Variants in SLC6A11 observed in about 807,000 individuals in gnomAD.
The protein encoded by SLC6A11 is sodium- and chloride-dependent GABA transporter 3.
In SLC6A11, 25 loss-of-function variants were observed where a neutral mutation model predicts 74.8. That is an observed-to-expected ratio of 0.33 (90% confidence interval 0.24 to 0.47). SLC6A11 has a LOEUF of 0.47. Among genes scored for constraint, SLC6A11 ranks in the 20% least tolerant of loss-of-function variants. The pLI, the probability that SLC6A11 is intolerant of heterozygous loss-of-function variation, is 1.00. For synonymous variants in SLC6A11, 330 were observed against 330.2 expected, an observed-to-expected ratio of 1.00 and a Z score of 0.01; for missense variants, 574 against 837.0, an observed-to-expected ratio of 0.69 and a Z score of 3.88.
In SLC6A11 at chr3:10,816,567, TG is replaced by T. The variant is rs1359620410; in HGVS notation, c.256+51del. The T allele has an allele frequency of 6.9e-7, 1 of 1,454,294 alleles. No homozygotes were observed. Among genetic ancestry groups the T allele is most frequent in the South Asian group, 1.3e-5 (1 of 76,766 alleles). 90.1% of individuals were successfully genotyped at this position (1,454,294 alleles called of 1,614,324 possible). On this transcript the variant is annotated intron_variant, in intron 1 of 13. Coordinates refer to ENST00000254488, the MANE Select transcript of SLC6A11 (RefSeq NM_014229.3). The surrounding 1 kb of genome is among the most constrained non-coding windows in gnomAD (Gnocchi z 4.2). ...AGGGGAGGGGGCGCCAACCGCCCGG[TG>T]GGGGCGGGGAGCCAGGGGCGAGCGC... is the stretch of plus-strand genomic sequence containing the variant.
chr3:10,894,228 G>A (rs147122124), intron 6 of SLC6A11, among the ~76,000 whole-genome samples: 33 of 152,290 alleles, frequency 2.2e-4, no homozygotes, highest in African/African-American at 7.7e-4. Context: ...GATTCCCAGG[G>A]AACTGGCGCC....
chr3:10,910,275 A>G (rs1695369246), intron 6 of SLC6A11, among the ~76,000 whole-genome samples: 1 of 152,240 alleles, frequency 6.6e-6, no homozygotes, highest in Non-Finnish European at 1.5e-5. Context: ...CCACGATAGA[A>G]TGACTTGTAC....
chr3:10,835,493 G>A (rs1694355389), intron 4 of SLC6A11, among the ~76,000 whole-genome samples: 2 of 152,144 alleles, frequency 1.3e-5, no homozygotes, highest in African/African-American at 4.8e-5. Flanking sequence ...TTCTCCCGGT[G>A]AGGCCTAAGT....
At chr3:10,894,134 G>A (rs570190970) in intron 6 of SLC6A11, among the ~76,000 whole-genome samples, 56 of 152,280 alleles carry the variant, frequency 3.7e-4, no homozygotes, top group South Asian at 6.2e-4. Context: ...GCCTGACACA[G>A]CCCTGCATGT....
intron 5 of SLC6A11, among the ~76,000 whole-genome samples, chr3:10,867,725 A>G (rs1694782575): frequency 1.3e-5 from 2 of 152,248 alleles, no homozygotes; most frequent in African/African-American, 2.4e-5. Flanking sequence ...ACTGCAGAGC[A>G]TCCAATTACG....
intron 4 of SLC6A11, among the ~76,000 whole-genome samples, chr3:10,828,853 C>T (rs1360080368): frequency 6.6e-6 from 1 of 152,216 alleles, no homozygotes; most frequent in Admixed American, 6.5e-5. Context: ...TTTGATTATT[C>T]TCTCTTTCTC....
intron 6 of SLC6A11, among the ~76,000 whole-genome samples, chr3:10,879,984 A>G (rs992079091): frequency 2.6e-5 from 4 of 152,198 alleles, no homozygotes; most frequent in Non-Finnish European, 4.4e-5. Flanking sequence ...TTTAAAGGCA[A>G]ATGTTCAAAA....
At chr3:10,844,189 T>C (rs1412591450) in intron 4 of SLC6A11, 25 bp from the exon 5 acceptor site, 1 of 1,613,996 alleles carries the variant, frequency 6.2e-7, no homozygotes, top group Non-Finnish European at 8.5e-7. Flanking sequence ...CCAGCCCCAG[T>C]GACTCTCCAC....
intron 5 of SLC6A11, among the ~76,000 whole-genome samples, chr3:10,851,388 G>C (rs570876359): frequency 8.6e-4 from 125 of 144,552 alleles, no homozygotes; most frequent in African/African-American, 3.0e-3. Flanking sequence ...AAAGCTCTAG[G>C]ACACCGAGGC....
At position 10,816,346 on chromosome 3, in the gene SLC6A11, C is replaced by A; in HGVS notation, c.81C>A (p.Gly27=). ...EARESEAPGG[G]CSSGGAAPAR... ...GGGAGTCCGAGGCGCCGGGTGGCGG[C>A]TGCAGCAGCGGGGGCGCGGCGCCCG... The change falls in exon 1 of 14, where the codon GGC becomes GGA. Residue 27 remains glycine, a synonymous_variant. Transcript: ENST00000254488. The surrounding 1 kb of genome is among the most constrained non-coding windows in gnomAD (Gnocchi z 4.2). The A allele has an allele frequency of 6.9e-7, 1 of 1,441,302 alleles. No individual in the cohort carries two copies. Among genetic ancestry groups the A allele is most frequent in the Non-Finnish European group, 9.1e-7 (1 of 1,098,684 alleles). The allele number at this position is 1,441,302 out of a possible 1,614,324, so 89.3% of individuals were successfully genotyped here. A position where few individuals can be genotyped will look rare whatever the true frequency, so the allele number is the denominator to read the frequency against.
chr3:10,840,856 C>T (rs182199168), intron 4 of SLC6A11, among the ~76,000 whole-genome samples: 163 of 152,276 alleles, frequency 1.1e-3, no homozygotes, highest in African/African-American at 3.8e-3. Flanking sequence ...TAATTGTGCT[C>T]ATCTCAAGGA....
intron 3 of SLC6A11, among the ~76,000 whole-genome samples, chr3:10,820,359 G>A (rs562435717): frequency 7.9e-5 from 12 of 152,296 alleles, no homozygotes; most frequent in South Asian, 4.2e-4. Context: ...AAGACTTCAC[G>A]TGAAAAATTC....
Position 10,816,265 on chromosome 3 carries a change from C to A in SLC6A11, c.-1C>A. 8 of 1,335,092 alleles carry A rather than the reference C, an allele frequency of 6.0e-6. No individual in the cohort carries two copies. Among genetic ancestry groups the A allele is most frequent in the Non-Finnish European group, 7.7e-6 (8 of 1,044,682 alleles). 82.7% of individuals were successfully genotyped at this position (1,335,092 alleles called of 1,614,324 possible). A position where few individuals can be genotyped will look rare whatever the true frequency, so the allele number is the denominator to read the frequency against. ...CGGCGCACGAGGCAGCCAGCGCGGC[C>A]ATGACGGCGGAGAAGGCGCTGCCCC... On this transcript the variant is annotated 5_prime_UTR_variant, in exon 1 of 14. Coordinates refer to ENST00000254488, the MANE Select transcript of SLC6A11 (RefSeq NM_014229.3). The surrounding 1 kb of genome is among the most constrained non-coding windows in gnomAD (Gnocchi z 4.2).
At chr3:10,876,061 G>C (rs1321616976) in intron 6 of SLC6A11, among the ~76,000 whole-genome samples, 1 of 152,232 alleles carries the variant, frequency 6.6e-6, no homozygotes, top group African/African-American at 2.4e-5. Context: ...TTTCCAAATA[G>C]GAAATGAGGC....
intron 6 of SLC6A11, among the ~76,000 whole-genome samples, chr3:10,875,365 G>A (rs541113350): frequency 1.3e-5 from 2 of 152,350 alleles, no homozygotes; most frequent in South Asian, 2.1e-4. Flanking sequence ...GCCAGATCCA[G>A]CAGCAAGTCT....
chr3:10,845,982 C>T (rs895191188), intron 5 of SLC6A11, among the ~76,000 whole-genome samples: 2 of 152,150 alleles, frequency 1.3e-5, no homozygotes, highest in African/African-American at 4.8e-5. Flanking sequence ...CTAGTCATGA[C>T]CTTGGGCATG....
At chr3:10,820,770 T>A (rs926492545) in intron 3 of SLC6A11, among the ~76,000 whole-genome samples, 1 of 152,178 alleles carries the variant, frequency 6.6e-6, no homozygotes, top group Admixed American at 6.5e-5. Context: ...CTCAGTCTAG[T>A]CTTGGCCTTA....
rs1046911171 is a variant in SLC6A11 at position 10,932,518 on chromosome 3, A to C, written c.1372-633A>C. On this transcript the variant is annotated intron_variant, in intron 10 of 13. Coordinates refer to ENST00000254488, the MANE Select transcript of SLC6A11 (RefSeq NM_014229.3). ...CCAAAGAAAGAATGAGACCATTAGA[A>C]AGGGCTTCCTGAAGGAGGTGGCATT... Among the ~76,000 whole-genome samples the C allele has an allele frequency of 2.0e-5, 3 of 152,262 alleles. No individual in the cohort carries two copies. In the South Asian group the frequency reaches 6.2e-4, roughly 32 times the overall value.
chr3:10,869,435 G>C (rs772779256), intron 5 of SLC6A11, among the ~76,000 whole-genome samples: 2 of 152,254 alleles, frequency 1.3e-5, no homozygotes, highest in Non-Finnish European at 2.9e-5. Context: ...TTCTCAACTG[G>C]AGGGCAGGGC....
Sources: allele counts gnomAD v4.1 joint callset (sites outside exome capture counted in the v4.1 genomes callset), GRCh38; gene constraint gnomAD v4.1.1; non-coding constraint Gnocchi (gnomAD v3.1); transcripts MANE v1.5; gene names NCBI Gene and HGNC (gene_info 2026-07-23, HGNC 2026-07-21).